CCDC169: variants seen among roughly 807,000 people sequenced by gnomAD.
The protein encoded by CCDC169 is coiled-coil domain-containing protein 169.
A neutral mutation model predicts 36.0 loss-of-function variants in CCDC169; 30 were observed. That is an observed-to-expected ratio of 0.83 (90% CI 0.62 to 1.13). The LOEUF (loss-of-function observed/expected upper bound fraction) is 1.13, where lower values mean the gene tolerates loss of function less well. CCDC169 is among the 50% of genes most tolerant of loss of function. CCDC169 has a pLI of 0.00. For missense variants in CCDC169, 245 were observed against 245.9 expected (o/e 1.00, Z 0.03); for synonymous variants, 85 against 81.5 (o/e 1.04, Z -0.23).
At chr13:36,272,100 TAAA>T (rs1160651696) in intron 4 of CCDC169, among the ~76,000 whole-genome samples, 23 of 97,392 alleles carry the variant, frequency 2.4e-4, no homozygotes, top group Middle Eastern at 5.1e-3. Context: ...AAAAAAAAAC[TAAA>T]AAAATAAATA....
intron 2 of CCDC169, among the ~76,000 whole-genome samples, chr13:36,285,563 TTTTTCTC>T (rs1273896784): frequency 1.6e-4 from 20 of 125,508 alleles, no homozygotes; most frequent in Non-Finnish European, 2.7e-4. Flanking sequence ...AAAATAAAAA[TTTTTCTC>T]AAAAAAATAA....
At chr13:36,229,371 G>C (rs1354388684), downstream of CCDC169, among the ~76,000 whole-genome samples, 3 of 152,004 alleles carry the variant, frequency 2.0e-5, no homozygotes, top group Non-Finnish European at 4.4e-5. Context: ...AGCTCCTGCA[G>C]AACCAACACT....
chr13:36,280,831 T>C (rs1301118586), intron 4 of CCDC169: 1 of 152,358 alleles, frequency 6.6e-6, no homozygotes, highest in Non-Finnish European at 1.5e-5. Flanking sequence ...TAAAATGAAA[T>C]GCCTTCACTT....
chr13:36,247,633 C>A (rs1410078754), intron 7 of CCDC169, among the ~76,000 whole-genome samples: 6 of 152,096 alleles, frequency 3.9e-5, no homozygotes, highest in Non-Finnish European at 7.3e-5. Flanking sequence ...GAAGTAGAGC[C>A]TGAAGAGGTG....
chr13:36,230,696 A>G, downstream of CCDC169: 2 of 920,410 alleles, frequency 2.2e-6, no homozygotes, highest in Non-Finnish European at 2.6e-6. Context: ...TGGAGACTAC[A>G]AACAAGTTTA....
intron 4 of CCDC169, among the ~76,000 whole-genome samples, chr13:36,279,723 C>A (rs1242162951): frequency 6.6e-6 from 1 of 152,144 alleles, no homozygotes; most frequent in Non-Finnish European, 1.5e-5. Flanking sequence ...TTTTTGTAAA[C>A]CAAGATTTTT....
At position 36,230,820 on chromosome 13, in the gene CCDC169, C is replaced by A; in HGVS notation, c.*373G>T. On this transcript the variant is annotated 3_prime_UTR_variant, in exon 8 of 8. Transcript: ENST00000239859. ...ATTTAAAAAACTGAGCAAGATCCAG[C>A]CCAAAATGGCAAAAAGGTTTTATGA... 2 of 989,820 alleles carry A rather than the reference C, an allele frequency of 2.0e-6. No homozygotes were observed. Among genetic ancestry groups the A allele is most frequent in the Non-Finnish European group, 2.4e-6 (2 of 833,164 alleles). 61.3% of individuals were successfully genotyped at this position (989,820 alleles called of 1,614,324 possible). A position where few individuals can be genotyped will look rare whatever the true frequency, so the allele number is the denominator to read the frequency against.
intron 2 of CCDC169, among the ~76,000 whole-genome samples, chr13:36,287,572 A>G (rs866906705): frequency 6.6e-6 from 1 of 152,208 alleles, no homozygotes; most frequent in South Asian, 2.1e-4. Context: ...TTCATGTATT[A>G]TGTTCTGCGT....
chr13:36,238,600 A>C (rs1183251532), intron 7 of CCDC169, among the ~76,000 whole-genome samples: 1 of 152,218 alleles, frequency 6.6e-6, no homozygotes, highest in African/African-American at 2.4e-5. Flanking sequence ...TGTCTAATTA[A>C]TATAGCTCAT....
intron 4 of CCDC169, among the ~76,000 whole-genome samples, chr13:36,278,986 T>C (rs1181318208): frequency 6.6e-6 from 1 of 152,208 alleles, no homozygotes; most frequent in Non-Finnish European, 1.5e-5. Flanking sequence ...AACTCTCAAT[T>C]GTCATTAAAT....
downstream of CCDC169, among the ~76,000 whole-genome samples, chr13:36,228,601 C>T (rs1401310519): frequency 6.6e-6 from 1 of 151,912 alleles, no homozygotes. Context: ...ACTCTGTTGC[C>T]CACGCTGGAG....
intron 1 of CCDC169, 103 bp downstream of exon 1, chr13:36,297,534 C>G (rs1879675449): frequency 8.8e-7 from 1 of 1,130,242 alleles, no homozygotes. Flanking sequence ...TTAATCACGG[C>G]GCCGGTCTTA....
chr13:36,286,682 C>T (rs961662658), intron 2 of CCDC169, among the ~76,000 whole-genome samples: 3 of 152,204 alleles, frequency 2.0e-5, no homozygotes. Flanking sequence ...ATCTACAGCC[C>T]TACTCTTCTC....
intron 2 of CCDC169, among the ~76,000 whole-genome samples, chr13:36,284,230 G>T (rs1295408835): frequency 1.3e-5 from 2 of 151,938 alleles, no homozygotes; most frequent in African/African-American, 4.8e-5. Context: ...CCAATGTCAT[G>T]TTCATTTTTT....
intron 7 of CCDC169, among the ~76,000 whole-genome samples, chr13:36,243,798 C>T (rs1192042237): frequency 6.6e-6 from 1 of 152,160 alleles, no homozygotes; most frequent in Admixed American, 6.5e-5. Context: ...AAGAGCTAAA[C>T]TCCATCTCAA....
At chr13:36,292,708 A>G (rs1010129369) in intron 2 of CCDC169, among the ~76,000 whole-genome samples, 1 of 152,202 alleles carries the variant, frequency 6.6e-6, no homozygotes, top group Non-Finnish European at 1.5e-5. Context: ...AGGGGATGCT[A>G]GCTGAAGGGG....
rs186650633 is a variant in CCDC169, at chr13:36,288,636, C to T, written c.164-4934G>A. Among the ~76,000 whole-genome samples the T allele has an allele frequency of 6.4e-4, 97 of 152,154 alleles. 1 individual carries two copies. In the East Asian group the frequency reaches 0.018, roughly 28 times the overall value. ...TAAACAGTTCAGGATTTCTTGCTTC[C>T]TAAGTTTTCACTAAAATTTAAGGTT... On this transcript the variant is annotated intron_variant, in intron 2 of 7. Coordinates refer to ENST00000239859, the MANE Select transcript of CCDC169 (RefSeq NM_001144981.3).
At chr13:36,249,522 A>G (rs1417424326) in intron 6 of CCDC169, among the ~76,000 whole-genome samples, 2 of 152,214 alleles carry the variant, frequency 1.3e-5, no homozygotes, top group Non-Finnish European at 2.9e-5. Context: ...GAGAAATGAA[A>G]AGAGATAGAG....
chr13:36,245,074 A>C (rs1182574364), intron 7 of CCDC169, among the ~76,000 whole-genome samples: 1 of 152,200 alleles, frequency 6.6e-6, no homozygotes, highest in Non-Finnish European at 1.5e-5. Context: ...GCTATACTTG[A>C]GTGGCTCTTA....
Sources: gnomAD v4.1 joint callset for allele counts (sites outside exome capture counted in the v4.1 genomes callset) on GRCh38, gnomAD v4.1.1 for gene constraint, MANE v1.5 for transcripts, NCBI Gene and HGNC (gene_info 2026-07-23, HGNC 2026-07-21) for gene names.